ZNF486: variants seen among roughly 807,000 people sequenced by gnomAD.
ZNF486 encodes zinc finger protein 486, also known as KRAB box only protein 2.
A neutral mutation model predicts 12.8 loss-of-function variants in ZNF486; 12 were observed. The observed-to-expected ratio is 0.94, with a 90% CI of 0.60 to 1.52. The LOEUF (loss-of-function observed/expected upper bound fraction) is 1.52, where lower values mean the gene tolerates loss of function less well. ZNF486 is among the 40% of genes most tolerant of loss of function. The pLI is 0.00. For synonymous variants in ZNF486, 231 were observed against 184.9 expected (o/e 1.25, Z -2.02); for missense variants, 738 against 545.0 (o/e 1.35, Z -3.53).
intron 1 of ZNF486, among the ~76,000 whole-genome samples, chr19:20,178,537 T>G (rs935384451): frequency 1.3e-5 from 2 of 152,144 alleles, no homozygotes; most frequent in Non-Finnish European, 2.9e-5. Context: ...CCACCGCGCC[T>G]GGCCAAAGAA....
intron 1 of ZNF486, among the ~76,000 whole-genome samples, chr19:20,178,717 G>C (rs918111581): frequency 8.5e-5 from 13 of 152,182 alleles, no homozygotes; most frequent in African/African-American, 2.9e-4. Flanking sequence ...AGGCAGAATT[G>C]TGTCTCTATT....
Position 20,187,500 on chromosome 19 carries a change from GT to G in ZNF486, c.253+1439del, listed in dbSNP as rs57208523. 6.4e-3 allele frequency among the ~76,000 whole-genome samples: 770 copies of G among 119,652 alleles called. 3 individuals carry two copies. Among genetic ancestry groups the G allele is most frequent in the East Asian group, 0.027 (118 of 4,366 alleles). 78.5% of individuals were successfully genotyped at this position (119,652 alleles called of 152,430 possible). A position where few individuals can be genotyped will look rare whatever the true frequency, so the allele number is the denominator to read the frequency against. ...TTTGATGGAGCAAACACCTCTTCAA[GT>G]TTTTTTTTTTTTTTTTTTTTGAGAG... is the stretch of plus-strand genomic sequence containing the variant. On this transcript the variant is annotated intron_variant, in intron 3 of 3. Transcript: ENST00000335117.
intron 1 of ZNF486, among the ~76,000 whole-genome samples, chr19:20,171,138 C>G (rs2089643339): frequency 1.3e-5 from 2 of 152,148 alleles, no homozygotes; most frequent in Non-Finnish European, 2.9e-5. Flanking sequence ...TCAGCAAACT[C>G]TACAGATATG....
intron 3 of ZNF486, among the ~76,000 whole-genome samples, chr19:20,190,616 C>T (rs782352404): frequency 1.1e-4 from 16 of 152,096 alleles, no homozygotes; most frequent in Non-Finnish European, 2.2e-4. Flanking sequence ...AACTTTTGGC[C>T]CTAATGGATC....
intron 1 of ZNF486, among the ~76,000 whole-genome samples, chr19:20,181,642 C>G (rs1555715602): frequency 6.6e-6 from 1 of 151,970 alleles, no homozygotes; most frequent in African/African-American, 2.4e-5. Context: ...TATTTAGCAA[C>G]TTGTTTTCTA....
chr19:20,170,353 C>G (rs996535134), intron 1 of ZNF486, among the ~76,000 whole-genome samples: 1 of 151,620 alleles, frequency 6.6e-6, no homozygotes, highest in Admixed American at 6.6e-5. Flanking sequence ...TGAGGCAGGC[C>G]GAACACCTGA....
intron 3 of ZNF486, among the ~76,000 whole-genome samples, chr19:20,191,572 C>T (rs782207407): frequency 6.7e-6 from 1 of 149,256 alleles, no homozygotes; most frequent in African/African-American, 2.5e-5. Context: ...GATCGAGACT[C>T]TCCTGGCTAA....
intron 1 of ZNF486, among the ~76,000 whole-genome samples, chr19:20,168,187 C>A (rs1465127698): frequency 6.6e-6 from 1 of 151,962 alleles, no homozygotes; most frequent in Non-Finnish European, 1.5e-5. Flanking sequence ...CCGTGAACCC[C>A]GTCTCTACTA....
intron 3 of ZNF486, among the ~76,000 whole-genome samples, chr19:20,194,791 C>A (rs1299726630): frequency 3.3e-5 from 5 of 151,578 alleles, no homozygotes; most frequent in African/African-American, 1.2e-4. Flanking sequence ...TCATTTTTAT[C>A]TTGTAGCACC....
chr19:20,180,300 G>A (rs578185403), intron 1 of ZNF486, among the ~76,000 whole-genome samples: 64 of 152,298 alleles, frequency 4.2e-4, no homozygotes, highest in Admixed American at 1.3e-4. Context: ...GTACTTGGAT[G>A]ATAAACAAGG....
At chr19:20,182,624 T>C (rs1482121133) in intron 1 of ZNF486, among the ~76,000 whole-genome samples, 1 of 152,208 alleles carries the variant, frequency 6.6e-6, no homozygotes, top group African/African-American at 2.4e-5. Context: ...TGGTGCATAA[T>C]TCCATTACTG....
At chr19:20,182,734 T>C (rs1321606628) in intron 1 of ZNF486, among the ~76,000 whole-genome samples, 1 of 152,196 alleles carries the variant, frequency 6.6e-6, no homozygotes, top group Non-Finnish European at 1.5e-5. Context: ...CCTGAATCTC[T>C]TCTGTTTCAA....
rs898919814 is a variant in ZNF486, at chr19:20,198,703, G to T, written c.*601G>T. ...TTCCCAGCTAATTTTTGTATTTTTA[G>T]TAGAGATGGGCTTTTGCCATATTTG... On this transcript the variant is annotated 3_prime_UTR_variant, in exon 4 of 4. Coordinates refer to ENST00000335117, the MANE Select transcript of ZNF486 (RefSeq NM_052852.4). 6.5e-6 allele frequency: 1 copy of T among 153,414 alleles called. No homozygotes were observed. Among genetic ancestry groups the T allele is most frequent in the African/African-American group, 2.4e-5 (1 of 41,370 alleles). 9.5% of individuals were successfully genotyped at this position (153,414 alleles called of 1,614,324 possible).
At chr19:20,178,539 G>T (rs1222682334) in intron 1 of ZNF486, among the ~76,000 whole-genome samples, 3 of 152,094 alleles carry the variant, frequency 2.0e-5, no homozygotes, top group Non-Finnish European at 4.4e-5. Context: ...ACCGCGCCTG[G>T]CCAAAGAAAA....
chr19:20,181,170 C>G (rs565319703), intron 1 of ZNF486, among the ~76,000 whole-genome samples: 26 of 150,794 alleles, frequency 1.7e-4, no homozygotes, highest in African/African-American at 6.3e-4. Context: ...TAGTAGAGAT[C>G]AGAGTTTTGG....
rs2089980476 is a variant in ZNF486 at position 20,198,169 on chromosome 19, T to A, written c.*67T>A. 1 of 1,417,826 alleles carries A rather than the reference T, an allele frequency of 7.1e-7. No homozygotes were observed. Among genetic ancestry groups the A allele is most frequent in the Non-Finnish European group, 9.4e-7 (1 of 1,061,014 alleles). 87.8% of individuals were successfully genotyped at this position (1,417,826 alleles called of 1,614,324 possible). A position where few individuals can be genotyped will look rare whatever the true frequency, so the allele number is the denominator to read the frequency against. On this transcript the variant is annotated 3_prime_UTR_variant, in exon 4 of 4. Coordinates refer to ENST00000335117, the MANE Select transcript of ZNF486 (RefSeq NM_052852.4). ...TCTGCTGTTGTTTCCCAGGCTGGAG[T>A]GCAATGGCATAATTTTGGCTCACCA...
chr19:20,174,415 G>C (rs1555714350), intron 1 of ZNF486, among the ~76,000 whole-genome samples: 1 of 148,576 alleles, frequency 6.7e-6, no homozygotes, highest in Non-Finnish European at 1.5e-5. Flanking sequence ...TTTTTTTTGA[G>C]AGAGTCTCTG....
chr19:20,175,920 G>GCT, intron 1 of ZNF486, among the ~76,000 whole-genome samples: 1 of 151,738 alleles, frequency 6.6e-6, no homozygotes, highest in Non-Finnish European at 1.5e-5. Flanking sequence ...GGGCAGAGGC[G>GCT]CCCCTCACCT....
chr19:20,194,930 A>C (rs1284496564), intron 3 of ZNF486, among the ~76,000 whole-genome samples: 1 of 151,436 alleles, frequency 6.6e-6, no homozygotes, highest in African/African-American at 2.4e-5. Flanking sequence ...CTTTTAATAA[A>C]TTTTTCAGTT....
Sources: allele counts gnomAD v4.1 joint callset (sites outside exome capture counted in the v4.1 genomes callset), GRCh38; gene constraint gnomAD v4.1.1; transcripts MANE v1.5; gene names NCBI Gene and HGNC (gene_info 2026-07-23, HGNC 2026-07-21).